RBFOX1: variants seen among roughly 807,000 people sequenced by gnomAD.
The protein encoded by RBFOX1 is RNA binding fox-1 homolog 1, also known as RNA binding protein fox-1 homolog 1.
In RBFOX1, 8 loss-of-function variants were observed where a neutral mutation model predicts 57.7. That is an observed-to-expected ratio of 0.14 (90% CI 0.08 to 0.25). The LOEUF is 0.25. RBFOX1 is among the 10% of genes least tolerant of loss of function. The pLI is 1.00. For missense variants in RBFOX1, 611 were observed against 548.5 expected, an observed-to-expected ratio of 1.11 and a Z score of -1.14; for synonymous variants, 326 against 222.4, an observed-to-expected ratio of 1.47 and a Z score of -4.15.
chr16:5,813,479 A>T (rs2055509574), intron 3 of RBFOX1, among the ~76,000 whole-genome samples: 1 of 152,186 alleles, frequency 6.6e-6, no homozygotes, highest in South Asian at 2.1e-4. Context: ...TTCAGCCATA[A>T]AGGGAATGAA....
intron 9 of RBFOX1, among the ~76,000 whole-genome samples, chr16:7,602,202 C>G (rs1185883211): frequency 2.0e-5 from 3 of 152,218 alleles, no homozygotes; most frequent in South Asian, 2.1e-4. Flanking sequence ...GAGGTCTTAA[C>G]CAGCATATTT....
intron 4 of RBFOX1, among the ~76,000 whole-genome samples, chr16:7,284,079 A>T (rs988130097): frequency 2.6e-5 from 4 of 152,212 alleles, no homozygotes; most frequent in Admixed American, 6.5e-5. Context: ...AATGGATTTG[A>T]GATTCATCCA....
At chr16:6,818,939 G>A (rs1378699585) in intron 3 of RBFOX1, among the ~76,000 whole-genome samples, 1 of 152,136 alleles carries the variant, frequency 6.6e-6, no homozygotes, top group South Asian at 2.1e-4. Context: ...GAATGAAGTC[G>A]AAATTTTGGT....
At chr16:7,326,643 G>A (rs2096615312) in intron 4 of RBFOX1, among the ~76,000 whole-genome samples, 1 of 151,332 alleles carries the variant, frequency 6.6e-6, no homozygotes, top group South Asian at 2.1e-4. Context: ...GCATTTATGA[G>A]AGGGTACAGG....
intron 1 of RBFOX1, among the ~76,000 whole-genome samples, chr16:5,314,824 T>C: frequency 1.0e-5 from 1 of 100,142 alleles, no homozygotes; most frequent in East Asian, 3.4e-4. Context: ...AACCAGAAGA[T>C]ATTGGAAAAA....
At chr16:6,507,800 G>A (rs1221426562) in intron 2 of RBFOX1, among the ~76,000 whole-genome samples, 2 of 152,022 alleles carry the variant, frequency 1.3e-5, no homozygotes, top group Non-Finnish European at 2.9e-5. Flanking sequence ...GTAGAGTGGT[G>A]GTTAGCCAGG....
At chr16:5,412,578 C>A (rs1289773804) in intron 1 of RBFOX1, among the ~76,000 whole-genome samples, 4 of 152,110 alleles carry the variant, frequency 2.6e-5, no homozygotes, top group Admixed American at 2.0e-4. Context: ...GTGAAGACTC[C>A]CCTGGAAGGG....
intron 3 of RBFOX1, among the ~76,000 whole-genome samples, chr16:5,667,678 C>T (rs996669131): frequency 6.6e-6 from 1 of 152,096 alleles, no homozygotes; most frequent in East Asian, 1.9e-4. Flanking sequence ...GATATCTTTT[C>T]ATTTATCCTT....
intron 2 of RBFOX1, among the ~76,000 whole-genome samples, chr16:6,651,739 G>T (rs1052960623): frequency 1.2e-4 from 18 of 152,150 alleles, no homozygotes; most frequent in Non-Finnish European, 2.4e-4. Flanking sequence ...GCAGGGAGTT[G>T]AATAGATACG....
chr16:5,616,790 C>T (rs2048039597), intron 3 of RBFOX1, among the ~76,000 whole-genome samples: 1 of 146,894 alleles, frequency 6.8e-6, no homozygotes, highest in African/African-American at 2.5e-5. Flanking sequence ...CCTCCTCTTT[C>T]TCCTTCTCCT....
At chr16:6,545,794 C>T (rs1023404069) in intron 2 of RBFOX1, among the ~76,000 whole-genome samples, 3 of 152,222 alleles carry the variant, frequency 2.0e-5, no homozygotes, top group Admixed American at 6.5e-5. Context: ...ATATAGTGGA[C>T]AGCCTCAAAG....
intron 2 of RBFOX1, among the ~76,000 whole-genome samples, chr16:6,585,397 C>T (rs1000029291): frequency 2.0e-5 from 3 of 152,206 alleles, no homozygotes; most frequent in Non-Finnish European, 2.9e-5. Flanking sequence ...ACTTTTACTT[C>T]GACTCTTTTT....
chr16:7,204,881 A>T (rs560702242), intron 4 of RBFOX1, among the ~76,000 whole-genome samples: 8 of 151,776 alleles, frequency 5.3e-5, no homozygotes, highest in Admixed American at 2.6e-4. Flanking sequence ...TCTGTTCTTG[A>T]CTGTTTTGGA....
At chr16:7,597,539 C>A in intron 9 of RBFOX1, 108 bp downstream of exon 9, 1 of 1,002,278 alleles carries the variant, frequency 1.0e-6, no homozygotes, top group Non-Finnish European at 1.5e-6. Context: ...GGCATTGACA[C>A]TGTGTTTTTA....
chr16:6,646,661 G>A (rs2098537356), intron 2 of RBFOX1, among the ~76,000 whole-genome samples: 1 of 152,006 alleles, frequency 6.6e-6, no homozygotes, highest in African/African-American at 2.4e-5. Context: ...GTCAGAACGG[G>A]CAAAAGCAGA....
At chr16:7,201,257 G>A (rs903491845) in intron 4 of RBFOX1, among the ~76,000 whole-genome samples, 1 of 152,126 alleles carries the variant, frequency 6.6e-6, no homozygotes, top group African/African-American at 2.4e-5. Flanking sequence ...ACCAAAGTGA[G>A]CAACACAGCA....
rs796829694 is a variant in RBFOX1 at position 6,256,209 on chromosome 16, G to GTATATA, written c.-126-60785_-126-60784insATATAT. On this transcript the variant is annotated intron_variant, in intron 1 of 15. Coordinates refer to ENST00000550418, the MANE Select transcript of RBFOX1 (RefSeq NM_018723.4). ...TACGTATATATATGTATATGTATATGTGTATATATATGTATATATATATGT... is the reference window on the plus strand; with the variant it reads ...TACGTATATATATGTATATGTATATGTATATATGTATATATATGTATATATATATGT... Among the ~76,000 whole-genome samples, 15 of 46,220 alleles carry GTATATA rather than the reference G, an allele frequency of 3.2e-4. 1 individual carries two copies. Among genetic ancestry groups the GTATATA allele is most frequent in the East Asian group, 3.0e-3 (4 of 1,322 alleles). 30.3% of individuals were successfully genotyped at this position (46,220 alleles called of 152,430 possible). A position where few individuals can be genotyped will look rare whatever the true frequency, so the allele number is the denominator to read the frequency against.
At chr16:6,525,379 C>T (rs189995961) in intron 2 of RBFOX1, among the ~76,000 whole-genome samples, 3 of 152,166 alleles carry the variant, frequency 2.0e-5, no homozygotes, top group Admixed American at 1.3e-4. Context: ...TGAGCAAGAG[C>T]GTGAGCTGAG....
intron 1 of RBFOX1, among the ~76,000 whole-genome samples, chr16:5,436,973 TG>T (rs1362245282): frequency 1.3e-5 from 2 of 152,332 alleles, no homozygotes; most frequent in East Asian, 3.9e-4. Flanking sequence ...GATTTGTACC[TG>T]CCCCCATGAC....
Sources: gnomAD v4.1 joint callset for allele counts (sites outside exome capture counted in the v4.1 genomes callset) on GRCh38, gnomAD v4.1.1 for gene constraint, MANE v1.5 for transcripts, NCBI Gene and HGNC (gene_info 2026-07-23, HGNC 2026-07-21) for gene names.